Variants in GAS7 observed in about 807,000 individuals in gnomAD.
GAS7 encodes growth arrest specific 7, also known as growth arrest-specific protein 7.
Under a neutral mutation model 71.1 loss-of-function variants are expected in GAS7, and 28 were observed. The observed-to-expected ratio is 0.39, with a 90% CI of 0.29 to 0.54. GAS7 has a LOEUF of 0.54. Ranked by LOEUF, GAS7 falls within the 20% of genes least tolerant of loss-of-function variation. The pLI, the probability that GAS7 is intolerant of heterozygous loss-of-function variation, is 0.62. For synonymous variants in GAS7, 258 were observed against 245.8 expected (o/e 1.05, Z -0.46); for missense variants, 436 against 627.8 (o/e 0.69, Z 3.27).
chr17:9,980,503 G>A (rs1424147059), intron 3 of GAS7, among the ~76,000 whole-genome samples: 2 of 152,204 alleles, frequency 1.3e-5, no homozygotes, highest in African/African-American at 4.8e-5. Flanking sequence ...CACAGAAGCT[G>A]AGGATGTCAC....
intron 1 of GAS7, among the ~76,000 whole-genome samples, chr17:10,053,230 G>A (rs1347883670): frequency 6.6e-6 from 1 of 152,154 alleles, no homozygotes; most frequent in Non-Finnish European, 1.5e-5. Context: ...AATGGACCAA[G>A]GGGAAAAGAT....
At position 9,914,119 on chromosome 17, in the gene GAS7, C is replaced by T; in HGVS notation, c.*3109G>A. 1 of 227,248 alleles carries T rather than the reference C, an allele frequency of 4.4e-6. No individual in the cohort carries two copies. The highest frequency in any genetic ancestry group is 5.7e-5 in the Admixed American group (1 of 17,594). The allele number at this position is 227,248 out of a possible 1,614,324, so 14.1% of individuals were successfully genotyped here. ...TTTCAACCAGAAACGGGCCCCTGTT[C>T]ATACGGATAGGGGTTCTGGACTGTT... On this transcript the variant is annotated 3_prime_UTR_variant, in exon 14 of 14. Coordinates refer to ENST00000432992, the MANE Select transcript of GAS7 (RefSeq NM_201433.2).
At chr17:10,075,447 T>A (rs1193986145) in intron 1 of GAS7, among the ~76,000 whole-genome samples, 1 of 151,912 alleles carries the variant, frequency 6.6e-6, no homozygotes, top group Non-Finnish European at 1.5e-5. Flanking sequence ...AATAAGACAA[T>A]GCCATTCACC....
chr17:9,958,868 T>C, intron 5 of GAS7: 1 of 576,482 alleles, frequency 1.7e-6, no homozygotes, highest in South Asian at 5.5e-5. Flanking sequence ...AATTTACACG[T>C]CACATCACTT....
chr17:10,068,135 C>T (rs948625361), intron 1 of GAS7, among the ~76,000 whole-genome samples: 1 of 152,172 alleles, frequency 6.6e-6, no homozygotes, highest in South Asian at 2.1e-4. Flanking sequence ...TTTTAAGCTG[C>T]TTTGTACGAA....
intron 1 of GAS7, among the ~76,000 whole-genome samples, chr17:10,134,166 G>A (rs1478084504): frequency 6.6e-6 from 1 of 152,158 alleles, no homozygotes; most frequent in Non-Finnish European, 1.5e-5. Flanking sequence ...GAGTAGCTGG[G>A]ACTACAGGCA....
At chr17:9,998,507 G>A (rs964444976) in intron 2 of GAS7, among the ~76,000 whole-genome samples, 52 of 150,532 alleles carry the variant, frequency 3.5e-4, no homozygotes, top group African/African-American at 1.2e-3. Context: ...GAGAAAGATC[G>A]CGCCCGTGAT....
chr17:9,982,819 A>AG (rs1567853073), intron 2 of GAS7, among the ~76,000 whole-genome samples: 12 of 94,436 alleles, frequency 1.3e-4, no homozygotes, highest in African/African-American at 6.4e-4. Context: ...AAGAAAGGAA[A>AG]GAAAGGAAAG....
chr17:9,993,658 T>C (rs1398141267), intron 2 of GAS7, among the ~76,000 whole-genome samples: 68 of 151,068 alleles, frequency 4.5e-4, no homozygotes, highest in African/African-American at 4.9e-5. Flanking sequence ...CTATTCAACA[T>C]AGTGTTGGAA....
chr17:9,980,790 T>C (rs1249448257), intron 3 of GAS7, among the ~76,000 whole-genome samples: 1 of 152,156 alleles, frequency 6.6e-6, no homozygotes, highest in Non-Finnish European at 1.5e-5. Flanking sequence ...GACATTAAAA[T>C]AGCATGCGGC....
At chr17:9,933,064 C>T (rs1345881348) in intron 9 of GAS7, among the ~76,000 whole-genome samples, 8 of 151,856 alleles carry the variant, frequency 5.3e-5, no homozygotes, top group African/African-American at 1.5e-4. Context: ...CCCAGCTACT[C>T]GGGAGGCTGA....
intron 1 of GAS7, among the ~76,000 whole-genome samples, chr17:10,064,604 A>G (rs2073260936): frequency 6.6e-6 from 1 of 152,216 alleles, no homozygotes; most frequent in East Asian, 1.9e-4. Context: ...GGAAAGATGT[A>G]TTACTATGAC....
intron 4 of GAS7, among the ~76,000 whole-genome samples, chr17:9,966,038 G>A (rs113046657): frequency 0.055 from 7,250 of 132,580 alleles, 642 homozygotes; most frequent in African/African-American, 0.19. Context: ...TCGCTCTGTC[G>A]CCCAGGCTGG....
At chr17:10,019,943 A>T (rs2072197720) in intron 1 of GAS7, 46 bp from the exon 2 acceptor site, 4 of 1,593,568 alleles carry the variant, frequency 2.5e-6, no homozygotes, top group Non-Finnish European at 3.4e-6. Flanking sequence ...GCATTTTTGC[A>T]AGAGTTTTTA....
At chr17:10,092,409 T>C (rs2073593224) in intron 1 of GAS7, among the ~76,000 whole-genome samples, 1 of 152,218 alleles carries the variant, frequency 6.6e-6, no homozygotes, top group South Asian at 2.1e-4. Context: ...GGGACTGTGT[T>C]AGAAATGGCC....
Position 10,086,830 on chromosome 17 carries a change from C to T in GAS7, c.184-66933G>A, listed in dbSNP as rs535561093. ...GAGACATTACTTAGCCACCAGCTCA[C>T]GGGAACGCATCACAGATAATGATAC... On this transcript the variant is annotated intron_variant, in intron 1 of 13. Coordinates refer to ENST00000432992, the MANE Select transcript of GAS7 (RefSeq NM_201433.2). Among the ~76,000 whole-genome samples, 3 of 152,254 alleles carry T rather than the reference C, an allele frequency of 2.0e-5. No homozygotes were observed. In the South Asian group the frequency reaches 6.2e-4, roughly 32 times the overall value.
rs2067480641 is a variant in GAS7 at position 9,913,030 on chromosome 17, G to A, written c.*4198C>T. The A allele has an allele frequency of 4.3e-6, 1 of 232,588 alleles. No individual in the cohort carries two copies. 14.4% of individuals were successfully genotyped at this position (232,588 alleles called of 1,614,324 possible). A position where few individuals can be genotyped will look rare whatever the true frequency, so the allele number is the denominator to read the frequency against. On this transcript the variant is annotated 3_prime_UTR_variant, in exon 14 of 14. Transcript: ENST00000432992. ...AATTATAGGATCAGATAATCAATCA[G>A]GGTTGCCAGGGAAAGAGGGCAGGAG... is the stretch of plus-strand genomic sequence containing the variant.
intron 1 of GAS7, among the ~76,000 whole-genome samples, chr17:10,126,423 C>A (rs2073948974): frequency 6.6e-6 from 1 of 151,536 alleles, no homozygotes. Context: ...CACGCACACA[C>A]AAACACGCAG....
intron 5 of GAS7, chr17:9,958,993 G>A: frequency 7.0e-7 from 1 of 1,419,492 alleles, no homozygotes; most frequent in Non-Finnish European, 9.2e-7. Flanking sequence ...TTGTTCACCA[G>A]GAGAGAAGTG....
Sources: gnomAD v4.1 joint callset for allele counts (sites outside exome capture counted in the v4.1 genomes callset) on GRCh38, gnomAD v4.1.1 for gene constraint, MANE v1.5 for transcripts, NCBI Gene and HGNC (gene_info 2026-07-23, HGNC 2026-07-21) for gene names.